The following NALF1 variants were observed in gnomAD, a reference collection of about 807,000 sequenced individuals.
The protein encoded by NALF1 is family with sequence similarity 155 member A.
A neutral mutation model predicts 48.4 loss-of-function variants in NALF1; 3 were observed. That is an observed-to-expected ratio of 0.06 (90% confidence interval 0.03 to 0.16). The LOEUF (loss-of-function observed/expected upper bound fraction) is 0.16. Among genes scored for constraint, NALF1 ranks in the 10% least tolerant of loss-of-function variants. NALF1 has a pLI of 1.00. For synonymous variants in NALF1, 262 were observed against 245.7 expected (o/e 1.07, Z -0.62); for missense variants, 526 against 571.5 (o/e 0.92, Z 0.81).
intron 1 of NALF1, among the ~76,000 whole-genome samples, chr13:107,333,338 T>C (rs1566487810): frequency 6.6e-6 from 1 of 152,156 alleles, no homozygotes; most frequent in Non-Finnish European, 1.5e-5. Context: ...AGCACTCCAC[T>C]TGGGAGTCAT....
At chr13:107,847,478 C>G (rs1166414360) in intron 1 of NALF1, among the ~76,000 whole-genome samples, 1 of 152,152 alleles carries the variant, frequency 6.6e-6, no homozygotes, top group African/African-American at 2.4e-5. Flanking sequence ...CAGAATACAG[C>G]AAAGGTGAAG....
intron 1 of NALF1, among the ~76,000 whole-genome samples, chr13:107,357,121 T>C (rs1882976498): frequency 6.6e-6 from 1 of 152,152 alleles, no homozygotes; most frequent in African/African-American, 2.4e-5. Flanking sequence ...TACACTGCTA[T>C]AAACAAATAC....
At chr13:107,403,435 T>C (rs911175066) in intron 1 of NALF1, among the ~76,000 whole-genome samples, 3 of 151,828 alleles carry the variant, frequency 2.0e-5, no homozygotes, top group South Asian at 4.2e-4. Flanking sequence ...ACTGATCATG[T>C]CTGGGAAAAA....
chr13:107,326,937 C>G (rs941438757), intron 1 of NALF1, among the ~76,000 whole-genome samples: 3 of 151,434 alleles, frequency 2.0e-5, no homozygotes, highest in Non-Finnish European at 2.9e-5. Context: ...CTGGTCTCCA[C>G]TGGGCCTTGA....
At chr13:107,449,326 G>T (rs1044209100) in intron 1 of NALF1, among the ~76,000 whole-genome samples, 6 of 152,104 alleles carry the variant, frequency 3.9e-5, no homozygotes, top group Non-Finnish European at 8.8e-5. Context: ...TGTGAAACTG[G>T]AACAAGAAGA....
At chr13:107,671,254 T>C (rs1414515172) in intron 1 of NALF1, among the ~76,000 whole-genome samples, 1 of 152,040 alleles carries the variant, frequency 6.6e-6, no homozygotes, top group Admixed American at 6.6e-5. Flanking sequence ...TTGGCACCAG[T>C]AAATAAATGG....
intron 1 of NALF1, among the ~76,000 whole-genome samples, chr13:107,227,097 T>C (rs1334895961): frequency 6.6e-6 from 1 of 152,224 alleles, no homozygotes; most frequent in Non-Finnish European, 1.5e-5. Context: ...ACCATCAGAA[T>C]AGCACAGAAA....
At chr13:107,781,322 A>G (rs1877880237) in intron 1 of NALF1, among the ~76,000 whole-genome samples, 2 of 152,226 alleles carry the variant, frequency 1.3e-5, no homozygotes, top group Admixed American at 1.3e-4. Flanking sequence ...ATCTACTTGT[A>G]GCAGAGGCTG....
At chr13:107,416,754 A>C (rs1024026926) in intron 1 of NALF1, among the ~76,000 whole-genome samples, 5 of 152,186 alleles carry the variant, frequency 3.3e-5, no homozygotes, top group African/African-American at 1.2e-4. Context: ...ACGTTGCTCA[A>C]GGGTCACTTG....
At chr13:107,814,910 T>C (rs964087364) in intron 1 of NALF1, among the ~76,000 whole-genome samples, 5 of 152,242 alleles carry the variant, frequency 3.3e-5, no homozygotes, top group Middle Eastern at 3.4e-3. Context: ...ATCTCCAGGA[T>C]ACATCATGTC....
intron 1 of NALF1, among the ~76,000 whole-genome samples, chr13:107,239,574 T>C (rs1880424644): frequency 6.6e-6 from 1 of 152,228 alleles, no homozygotes; most frequent in African/African-American, 2.4e-5. Flanking sequence ...CCTATCTTTT[T>C]GGGAGAAGAC....
chr13:107,185,541 T>A lies in NALF1; in HGVS notation c.1088-14755A>T, dbSNP rs375129649. The stretch of plus-strand genomic sequence containing the variant: ...GAGTTTCTGTCTGTGTTACATTTCA[T>A]ATTAGAGATGATGGGGTCTTATTTG... On this transcript the variant is annotated intron_variant, in intron 2 of 2. Transcript: ENST00000375915. 2.3e-3 allele frequency among the ~76,000 whole-genome samples: 356 copies of A among 152,160 alleles called. 4 individuals are homozygous for A. The highest frequency in any genetic ancestry group is 8.1e-3 in the African/African-American group (337 of 41,496).
At chr13:107,478,542 G>A (rs1351126411) in intron 1 of NALF1, among the ~76,000 whole-genome samples, 1 of 151,980 alleles carries the variant, frequency 6.6e-6, no homozygotes, top group African/African-American at 2.4e-5. Context: ...AACACTATGG[G>A]GTTGGTGAAG....
intron 1 of NALF1, among the ~76,000 whole-genome samples, chr13:107,564,988 G>A (rs549364244): frequency 4.0e-4 from 60 of 150,070 alleles, no homozygotes; most frequent in African/African-American, 1.3e-3. Context: ...CTTGAAACAT[G>A]GGCAGGAAGG....
At chr13:107,494,726 A>G (rs893057942) in intron 1 of NALF1, among the ~76,000 whole-genome samples, 4 of 152,218 alleles carry the variant, frequency 2.6e-5, no homozygotes, top group African/African-American at 9.6e-5. Context: ...TGTTTCCTAA[A>G]AGTTCAAATA....
At chr13:107,585,089 T>G (rs1227910576) in intron 1 of NALF1, among the ~76,000 whole-genome samples, 2 of 152,214 alleles carry the variant, frequency 1.3e-5, no homozygotes, top group Non-Finnish European at 2.9e-5. Flanking sequence ...CCTACCATAT[T>G]AAGATATCAA....
chr13:107,669,913 T>C (rs530709426), intron 1 of NALF1, among the ~76,000 whole-genome samples: 1 of 152,196 alleles, frequency 6.6e-6, no homozygotes, highest in South Asian at 2.1e-4. Context: ...ATAATGATGC[T>C]GCAAATCCTC....
At chr13:107,570,101 G>T (rs1435907118) in intron 1 of NALF1, among the ~76,000 whole-genome samples, 2 of 151,868 alleles carry the variant, frequency 1.3e-5, no homozygotes, top group Non-Finnish European at 2.9e-5. Context: ...TGTTTTAATT[G>T]CTGTACACCT....
intron 2 of NALF1, among the ~76,000 whole-genome samples, chr13:107,182,860 T>A (rs975478326): frequency 2.6e-5 from 4 of 152,154 alleles, no homozygotes; most frequent in Non-Finnish European, 5.9e-5. Flanking sequence ...TGGGGGTGAT[T>A]GGGTTGTATT....
Sources: gnomAD v4.1 joint callset for allele counts (sites outside exome capture counted in the v4.1 genomes callset) on GRCh38, gnomAD v4.1.1 for gene constraint, MANE v1.5 for transcripts, NCBI Gene and HGNC (gene_info 2026-07-23, HGNC 2026-07-21) for gene names.